ZDHHC21: variants seen among roughly 807,000 people sequenced by gnomAD.
The protein encoded by ZDHHC21 is palmitoyltransferase ZDHHC21.
ZDHHC21 carries 15 observed loss-of-function variants against 34.6 expected under a neutral mutation model. The ratio of observed to expected loss-of-function variants is 0.43; its 90% CI spans 0.29 to 0.67. ZDHHC21 has a LOEUF of 0.67. ZDHHC21 is among the 30% of genes least tolerant of loss of function. ZDHHC21 has a pLI of 0.14. For missense variants in ZDHHC21, 344 were observed against 327.7 expected (o/e 1.05, Z -0.38); for synonymous variants, 142 against 101.8 (o/e 1.40, Z -2.38).
At chr9:14,626,864 A>G (rs1283620617) in intron 8 of ZDHHC21, among the ~76,000 whole-genome samples, 1 of 152,104 alleles carries the variant, frequency 6.6e-6, no homozygotes, top group African/African-American at 2.4e-5. Context: ...AAGCTATAAA[A>G]TCTTTCATAT....
chr9:14,682,461 A>C (rs543349514), intron 2 of ZDHHC21, among the ~76,000 whole-genome samples: 1 of 152,236 alleles, frequency 6.6e-6, no homozygotes, highest in East Asian at 1.9e-4. Flanking sequence ...ACATAATGGT[A>C]AAGGGATCAA....
At chr9:14,671,345 T>C (rs1198825744) in intron 5 of ZDHHC21, among the ~76,000 whole-genome samples, 1 of 152,068 alleles carries the variant, frequency 6.6e-6, no homozygotes, top group Non-Finnish European at 1.5e-5. Flanking sequence ...CACTATGTAA[T>C]GCTTTGAGAA....
At chr9:14,682,042 AT>A (rs1837474957) in intron 2 of ZDHHC21, among the ~76,000 whole-genome samples, 1 of 152,196 alleles carries the variant, frequency 6.6e-6, no homozygotes. Flanking sequence ...TGAAGGAAGC[AT>A]TAAACATGGA....
chr9:14,622,813 T>TA, intron 8 of ZDHHC21: 1 of 837,942 alleles, frequency 1.2e-6, no homozygotes. Flanking sequence ...ATGGAGTTTC[T>TA]AGACCTGCCA....
Position 14,632,540 on chromosome 9 carries a change from AATGGTATCTTAGATATG to A in ZDHHC21, c.621+7339_621+7355del, listed in dbSNP as rs1367137050. 2.4e-3 allele frequency among the ~76,000 whole-genome samples: 144 copies of A among 60,774 alleles called. 57 individuals are homozygous for A. The highest frequency in any genetic ancestry group is 5.5e-3 in the African/African-American group (55 of 10,078). 39.9% of individuals were successfully genotyped at this position (60,774 alleles called of 152,430 possible). A position where few individuals can be genotyped will look rare whatever the true frequency, so the allele number is the denominator to read the frequency against. ...GAATTTTGTTGACCTTGGATTAGGC[AATGGTATCTTAGATATG>A]ACACAAAAAGCATATACTACCCAAG... On this transcript the variant is annotated intron_variant, in intron 8 of 9. Transcript: ENST00000380916.
chr9:14,621,742 T>C (rs1249948333), intron 8 of ZDHHC21, among the ~76,000 whole-genome samples: 2 of 152,040 alleles, frequency 1.3e-5, no homozygotes, highest in African/African-American at 2.4e-5. Flanking sequence ...CCCAGAGCAA[T>C]ACAAATTAGG....
intron 8 of ZDHHC21, among the ~76,000 whole-genome samples, chr9:14,632,288 A>G (rs1827507873): frequency 6.6e-6 from 1 of 152,166 alleles, no homozygotes; most frequent in South Asian, 2.1e-4. Context: ...AAATAGAGTT[A>G]AGAGTCCAGA....
intron 8 of ZDHHC21, among the ~76,000 whole-genome samples, chr9:14,622,207 T>C (rs928997064): frequency 1.3e-5 from 2 of 152,152 alleles, no homozygotes; most frequent in African/African-American, 4.8e-5. Context: ...GAGGATGATT[T>C]ACTATTTTAA....
At position 14,622,213 on chromosome 9, in the gene ZDHHC21, T is replaced by C. The variant is rs553019809; in HGVS notation, c.622-2531A>G. On this transcript the variant is annotated intron_variant, in intron 8 of 9. Transcript: ENST00000380916. Reference sequence around the variant, plus strand: ...GAGATATATGAGGATGATTTACTATTTTAAAAACTGGATGTTCTTAAAAAT... The same window carrying C: ...GAGATATATGAGGATGATTTACTATCTTAAAAACTGGATGTTCTTAAAAAT... 3.3e-5 allele frequency among the ~76,000 whole-genome samples: 5 copies of C among 152,262 alleles called. No homozygotes were observed. The South Asian group carries it at 6.2e-4, about 19-fold the overall frequency.
chr9:14,682,619 T>C (rs1587455992), intron 2 of ZDHHC21, among the ~76,000 whole-genome samples: 2 of 151,498 alleles, frequency 1.3e-5, no homozygotes, highest in African/African-American at 4.8e-5. Flanking sequence ...ACTGTCAACA[T>C]TAGATCAACG....
At chr9:14,636,822 G>T (rs1244009027) in intron 8 of ZDHHC21, among the ~76,000 whole-genome samples, 1 of 152,050 alleles carries the variant, frequency 6.6e-6, no homozygotes, top group African/African-American at 2.4e-5. Flanking sequence ...GGCCAAGAAA[G>T]AAACTAGGTA....
At chr9:14,662,665 A>C (rs1833622213) in intron 5 of ZDHHC21, among the ~76,000 whole-genome samples, 1 of 152,226 alleles carries the variant, frequency 6.6e-6, no homozygotes, top group Non-Finnish European at 1.5e-5. Flanking sequence ...AAATTATTAT[A>C]CTAAAACAAT....
chr9:14,625,677 T>C (rs979081564), intron 8 of ZDHHC21, among the ~76,000 whole-genome samples: 7 of 151,886 alleles, frequency 4.6e-5, no homozygotes, highest in African/African-American at 1.7e-4. Flanking sequence ...TGGAAAGAAA[T>C]ACCTCAATTA....
At position 14,680,088 on chromosome 9, in the gene ZDHHC21, T is replaced by C. The variant is rs949011536; in HGVS notation, c.-101A>G. 1 of 152,476 alleles carries C rather than the reference T, an allele frequency of 6.6e-6. No individual in the cohort carries two copies. Among genetic ancestry groups the C allele is most frequent in the Non-Finnish European group, 1.5e-5 (1 of 67,966 alleles). 9.4% of individuals were successfully genotyped at this position (152,476 alleles called of 1,614,324 possible). A position where few individuals can be genotyped will look rare whatever the true frequency, so the allele number is the denominator to read the frequency against. ...TTTTTCTGGAATCTGCATTTAGAGA[T>C]TTTCTTTTGATTCATTTTTTTTAAT... On this transcript the variant is annotated 5_prime_UTR_variant, in exon 3 of 10. Transcript: ENST00000380916.
intron 3 of ZDHHC21, among the ~76,000 whole-genome samples, chr9:14,675,959 T>G (rs1187748868): frequency 6.6e-6 from 1 of 151,898 alleles, no homozygotes; most frequent in Non-Finnish European, 1.5e-5. Context: ...CCATCACAAA[T>G]CATAAAGCTT....
chr9:14,621,568 G>T (rs1437550067), intron 8 of ZDHHC21, among the ~76,000 whole-genome samples: 3 of 152,084 alleles, frequency 2.0e-5, no homozygotes, highest in African/African-American at 7.2e-5. Flanking sequence ...TTTATGAGTA[G>T]GATTTGTGAG....
At chr9:14,670,816 G>A (rs774488548) in intron 5 of ZDHHC21, among the ~76,000 whole-genome samples, 60 of 152,000 alleles carry the variant, frequency 3.9e-4, no homozygotes, top group Non-Finnish European at 4.3e-4. Context: ...CAATTTAATT[G>A]ATCATCTAGA....
downstream of ZDHHC21, among the ~76,000 whole-genome samples, chr9:14,606,628 T>A (rs1477157149): frequency 6.6e-6 from 1 of 152,070 alleles, no homozygotes; most frequent in African/African-American, 2.4e-5. Flanking sequence ...CATAAAAAAA[T>A]GGTTGGTTTT....
chr9:14,662,243 C>A lies in ZDHHC21; in HGVS notation c.337G>T (p.Val113Leu). 1 of 1,612,756 alleles carries A rather than the reference C, an allele frequency of 6.2e-7. No individual in the cohort carries two copies. The change falls in exon 6 of 10, where the codon GTG becomes TTG. Residue 113 changes from valine (V) to leucine (L), a missense_variant. Coordinates refer to ENST00000380916, the MANE Select transcript of ZDHHC21 (RefSeq NM_178566.6). ...GGACAGTGATGATCCATTCTCCTCA[C>A]ACAGTGGCCGCAGCGGCTACAGTGA... Reference protein sequence around the residue: ...SHHCSRCGHCVRRMDHHCPWI... With the variant: ...SHHCSRCGHCLRRMDHHCPWI...
Sources: allele counts gnomAD v4.1 joint callset (sites outside exome capture counted in the v4.1 genomes callset), GRCh38; gene constraint gnomAD v4.1.1; transcripts MANE v1.5; gene names NCBI Gene and HGNC (gene_info 2026-07-23, HGNC 2026-07-21).